Variants in TAFA1 observed in about 807,000 individuals in gnomAD.
The protein encoded by TAFA1 is chemokine-like protein TAFA-1.
Under a neutral mutation model 18.5 loss-of-function variants are expected in TAFA1, and 4 were observed. The observed-to-expected ratio is 0.22, with a 90% CI of 0.11 to 0.49. The LOEUF is 0.49. TAFA1 is among the 20% of genes least tolerant of loss of function. TAFA1 has a pLI of 0.98. For synonymous variants in TAFA1, 56 were observed against 55.2 expected, an observed-to-expected ratio of 1.01 and a Z score of -0.06; for missense variants, 147 against 169.0, an observed-to-expected ratio of 0.87 and a Z score of 0.72.
intron 2 of TAFA1, among the ~76,000 whole-genome samples, chr3:68,125,043 A>G (rs1575630694): frequency 6.6e-6 from 1 of 152,198 alleles, no homozygotes; most frequent in East Asian, 1.9e-4. Context: ...TAGACATGAA[A>G]AGGATGCATA....
At chr3:68,399,199 A>T (rs766268970) in intron 2 of TAFA1, among the ~76,000 whole-genome samples, 1 of 152,192 alleles carries the variant, frequency 6.6e-6, no homozygotes, top group African/African-American at 2.4e-5. Context: ...TTTCTTTTTC[A>T]TGATTATCTT....
intron 3 of TAFA1, among the ~76,000 whole-genome samples, chr3:68,463,095 GTGATTA>G (rs2071816645): frequency 6.6e-6 from 1 of 152,116 alleles, no homozygotes; most frequent in African/African-American, 2.4e-5. Flanking sequence ...TTGGTTGCTT[GTGATTA>G]TTATAATTTT....
rs536442432 is a variant in TAFA1 at position 68,237,559 on chromosome 3, T to A, written c.119-179721T>A. ...ATGTATGTATGAATTCATGTTTTCA[T>A]GAATTTAACTCCTGGCATCCTGAGG... is the stretch of plus-strand genomic sequence containing the variant. On this transcript the variant is annotated intron_variant, in intron 2 of 4. Transcript: ENST00000478136. Among the ~76,000 whole-genome samples the A allele has an allele frequency of 2.6e-5, 4 of 152,318 alleles. No individual in the cohort carries two copies. The South Asian group carries it at 8.3e-4, about 32-fold the overall frequency.
chr3:68,456,641 T>C (rs890313630), intron 3 of TAFA1, among the ~76,000 whole-genome samples: 1 of 152,216 alleles, frequency 6.6e-6, no homozygotes, highest in Admixed American at 6.6e-5. Flanking sequence ...CAAATCACAT[T>C]GGAGTCTATG....
At chr3:68,512,600 A>G (rs1256107218) in intron 3 of TAFA1, among the ~76,000 whole-genome samples, 6 of 152,154 alleles carry the variant, frequency 3.9e-5, no homozygotes, top group African/African-American at 1.2e-4. Flanking sequence ...AATCAGCACA[A>G]CATTGCTGCT....
At chr3:68,354,927 C>A (rs770809865) in intron 2 of TAFA1, among the ~76,000 whole-genome samples, 2 of 151,990 alleles carry the variant, frequency 1.3e-5, no homozygotes, top group Non-Finnish European at 2.9e-5. Context: ...CCTCTCAATA[C>A]TGTTGTATTG....
upstream of TAFA1, among the ~76,000 whole-genome samples, chr3:67,999,714 G>T (rs1020069331): frequency 6.6e-6 from 1 of 151,688 alleles, no homozygotes; most frequent in African/African-American, 2.4e-5. Flanking sequence ...TTGTTTAAAC[G>T]GTGTACAGGC....
intron 2 of TAFA1, among the ~76,000 whole-genome samples, chr3:68,253,341 T>C (rs1333560811): frequency 1.3e-5 from 2 of 152,208 alleles, no homozygotes; most frequent in Non-Finnish European, 2.9e-5. Flanking sequence ...TTGCGTACTT[T>C]AATCTTGCTT....
intron 3 of TAFA1, among the ~76,000 whole-genome samples, chr3:68,442,324 A>T (rs1156913095): frequency 1.3e-5 from 2 of 152,090 alleles, no homozygotes; most frequent in Non-Finnish European, 2.9e-5. Flanking sequence ...TTACATGTCA[A>T]AGGGGCTAAG....
chr3:68,357,827 C>G (rs1316194491), intron 2 of TAFA1, among the ~76,000 whole-genome samples: 1 of 151,800 alleles, frequency 6.6e-6, no homozygotes, highest in East Asian at 1.9e-4. Context: ...TTCAAGTTCC[C>G]AAGGAATTAT....
At chr3:68,352,986 A>T (rs976197572) in intron 2 of TAFA1, among the ~76,000 whole-genome samples, 5 of 152,052 alleles carry the variant, frequency 3.3e-5, no homozygotes, top group African/African-American at 1.2e-4. Flanking sequence ...GAAGAAGCCA[A>T]ATTGACCCAG....
intron 2 of TAFA1, among the ~76,000 whole-genome samples, chr3:68,362,787 G>A (rs1334141809): frequency 1.3e-5 from 2 of 152,018 alleles, no homozygotes; most frequent in East Asian, 1.9e-4. Flanking sequence ...CACTCACCAG[G>A]AAAGAGATGA....
At chr3:68,100,733 A>G (rs140366670) in intron 2 of TAFA1, among the ~76,000 whole-genome samples, 2 of 152,248 alleles carry the variant, frequency 1.3e-5, no homozygotes, top group African/African-American at 4.8e-5. Context: ...TTTTGAACAT[A>G]CCTTGTGTTT....
intron 3 of TAFA1, among the ~76,000 whole-genome samples, chr3:68,478,281 A>G (rs1162874109): frequency 6.6e-6 from 1 of 152,220 alleles, no homozygotes; most frequent in Non-Finnish European, 1.5e-5. Context: ...GCACCTGTGC[A>G]TATTTATGTG....
chr3:68,045,283 T>A (rs79816754), intron 2 of TAFA1, among the ~76,000 whole-genome samples: 2,721 of 152,232 alleles, frequency 0.018, 100 homozygotes, highest in African/African-American at 0.063. Flanking sequence ...AATGTACCTA[T>A]CCCTATAATC....
chr3:68,528,482 C>G (rs1307129072), intron 3 of TAFA1, among the ~76,000 whole-genome samples: 1 of 152,160 alleles, frequency 6.6e-6, no homozygotes, highest in Non-Finnish European at 1.5e-5. Context: ...GGAAGGTTAT[C>G]CAATGCCTTT....
intron 2 of TAFA1, among the ~76,000 whole-genome samples, chr3:68,079,556 T>G (rs1331648719): frequency 6.6e-6 from 1 of 152,170 alleles, no homozygotes; most frequent in African/African-American, 2.4e-5. Flanking sequence ...ATTTCTGCCT[T>G]CATTTCGTTA....
At chr3:68,520,343 A>G (rs1482570225) in intron 3 of TAFA1, among the ~76,000 whole-genome samples, 1 of 152,208 alleles carries the variant, frequency 6.6e-6, no homozygotes, top group East Asian at 1.9e-4. Flanking sequence ...ATAAATAAAT[A>G]TTAGAAGCCT....
intron 2 of TAFA1, among the ~76,000 whole-genome samples, chr3:68,388,896 G>A (rs1180239007): frequency 6.6e-6 from 1 of 151,936 alleles, no homozygotes; most frequent in Non-Finnish European, 1.5e-5. Flanking sequence ...TAATACTTCA[G>A]CTTTACTTTG....
Sources: gnomAD v4.1 joint callset for allele counts (sites outside exome capture counted in the v4.1 genomes callset) on GRCh38, gnomAD v4.1.1 for gene constraint, MANE v1.5 for transcripts, NCBI Gene and HGNC (gene_info 2026-07-23, HGNC 2026-07-21) for gene names.